Variants in RIMS2 observed in about 807,000 individuals in gnomAD.
RIMS2 encodes the protein regulating synaptic membrane exocytosis 2, also known as regulating synaptic membrane exocytosis protein 2.
In RIMS2, 59 loss-of-function variants were observed where a neutral mutation model predicts 174.4. The observed-to-expected ratio is 0.34, with a 90% CI of 0.27 to 0.42. The LOEUF is 0.42. Among genes scored for constraint, RIMS2 ranks in the 10% least tolerant of loss-of-function variants. The probability of loss-of-function intolerance (pLI) is 1.00; values close to 1 mark genes in which losing one functional copy is unlikely to be tolerated. For synonymous variants in RIMS2, 606 were observed against 572.5 expected (o/e 1.06, Z -0.84); for missense variants, 1,620 against 1,666.3 (o/e 0.97, Z 0.48).
At chr8:103,502,691 T>G (rs922265287) in intron 1 of RIMS2, among the ~76,000 whole-genome samples, 1 of 152,108 alleles carries the variant, frequency 6.6e-6, no homozygotes, top group Non-Finnish European at 1.5e-5. Flanking sequence ...AGTTTGATAT[T>G]TAAATATGTG....
chr8:104,146,432 A>T (rs1465279300), intron 19 of RIMS2, among the ~76,000 whole-genome samples: 1 of 152,172 alleles, frequency 6.6e-6, no homozygotes, highest in Non-Finnish European at 1.5e-5. Context: ...ATGCTTTATT[A>T]AAGTTGTTAG....
At chr8:103,528,667 G>C (rs1835330330) in intron 1 of RIMS2, among the ~76,000 whole-genome samples, 1 of 152,236 alleles carries the variant, frequency 6.6e-6, no homozygotes, top group South Asian at 2.1e-4. Flanking sequence ...CCCATTTCTT[G>C]TTTTTGTCAG....
chr8:104,022,359 G>A (rs1219123681), intron 19 of RIMS2, among the ~76,000 whole-genome samples: 1 of 151,582 alleles, frequency 6.6e-6, no homozygotes, highest in Non-Finnish European at 1.5e-5. Context: ...AGCAAGATGG[G>A]GTCAACTGTG....
intron 15 of RIMS2, among the ~76,000 whole-genome samples, chr8:103,971,229 G>A (rs567181712): frequency 3.3e-5 from 5 of 151,972 alleles, no homozygotes; most frequent in Admixed American, 3.3e-4. Context: ...AAATGTTGAG[G>A]GTTTAATTAT....
At chr8:103,514,925 A>C (rs1047289647) in intron 1 of RIMS2, among the ~76,000 whole-genome samples, 16 of 151,252 alleles carry the variant, frequency 1.1e-4, no homozygotes, top group Non-Finnish European at 2.2e-4. Flanking sequence ...CAACAAAAAA[A>C]CAAAAAAACA....
chr8:103,511,382 C>T (rs1466959749), intron 1 of RIMS2, among the ~76,000 whole-genome samples: 2 of 152,124 alleles, frequency 1.3e-5, no homozygotes, highest in African/African-American at 2.4e-5. Flanking sequence ...TTAAAAGACT[C>T]AGCATAACTT....
chr8:104,039,021 C>T (rs190903745), intron 19 of RIMS2, among the ~76,000 whole-genome samples: 63 of 151,536 alleles, frequency 4.2e-4, no homozygotes, highest in Middle Eastern at 3.4e-3. Context: ...CCTTATTAAT[C>T]ATATAAATTT....
At chr8:103,536,941 A>T (rs934045599) in intron 1 of RIMS2, among the ~76,000 whole-genome samples, 6 of 152,244 alleles carry the variant, frequency 3.9e-5, no homozygotes, top group African/African-American at 1.2e-4. Flanking sequence ...ACACTTGACA[A>T]TAGGTTGTAA....
intron 19 of RIMS2, among the ~76,000 whole-genome samples, chr8:104,070,983 A>G (rs939509384): frequency 9.2e-5 from 14 of 152,226 alleles, no homozygotes; most frequent in Non-Finnish European, 8.8e-5. Flanking sequence ...TGTGGGCTAT[A>G]TGTCAACACT....
intron 2 of RIMS2, among the ~76,000 whole-genome samples, chr8:103,752,400 G>A (rs2097905346): frequency 6.6e-6 from 1 of 152,108 alleles, no homozygotes; most frequent in Admixed American, 6.5e-5. Flanking sequence ...CTCCAGCTTT[G>A]TTCTTTTGGC....
chr8:103,976,755 C>G (rs776551533), intron 16 of RIMS2: 1 of 152,040 alleles, frequency 6.6e-6, no homozygotes, highest in Non-Finnish European at 1.5e-5. Flanking sequence ...ACCATGTTGG[C>G]CAGGATGGTC....
At chr8:103,593,269 T>A (rs1177957177) in intron 1 of RIMS2, among the ~76,000 whole-genome samples, 2 of 151,468 alleles carry the variant, frequency 1.3e-5, no homozygotes, top group African/African-American at 4.8e-5. Context: ...TTGGATATTG[T>A]ATGATGTAAT....
intron 19 of RIMS2, among the ~76,000 whole-genome samples, chr8:104,072,391 A>C (rs1367398069): frequency 6.6e-6 from 1 of 152,108 alleles, no homozygotes; most frequent in Admixed American, 6.6e-5. Context: ...ATGTGTTTTA[A>C]CATTAGATCT....
intron 1 of RIMS2, among the ~76,000 whole-genome samples, chr8:103,644,820 T>A (rs2096294479): frequency 6.6e-6 from 1 of 151,874 alleles, no homozygotes; most frequent in Non-Finnish European, 1.5e-5. Flanking sequence ...TTTATGCCTA[T>A]GTTTTCTAGT....
At chr8:103,940,244 G>A (rs538353110) in intron 13 of RIMS2, among the ~76,000 whole-genome samples, 1 of 152,262 alleles carries the variant, frequency 6.6e-6, no homozygotes, top group Admixed American at 6.5e-5. Context: ...CACAGTCATG[G>A]TGGAAGGCAA....
intron 19 of RIMS2, among the ~76,000 whole-genome samples, chr8:104,150,597 G>A (rs1035583895): frequency 2.0e-5 from 3 of 152,104 alleles, no homozygotes; most frequent in Non-Finnish European, 4.4e-5. Flanking sequence ...GGTAAAAGAC[G>A]ATTAGAAAGG....
At chr8:103,971,008 G>A (rs886392767) in intron 15 of RIMS2, among the ~76,000 whole-genome samples, 6 of 151,996 alleles carry the variant, frequency 3.9e-5, no homozygotes, top group Admixed American at 6.6e-5. Flanking sequence ...AGCAATTCTA[G>A]GCATGGAGTT....
At chr8:103,737,679 T>C (rs1264855368) in intron 2 of RIMS2, among the ~76,000 whole-genome samples, 1 of 152,188 alleles carries the variant, frequency 6.6e-6, no homozygotes, top group Non-Finnish European at 1.5e-5. Flanking sequence ...TAACATCTCA[T>C]ACCATTCTTC....
At chr8:104,131,079 C>G (rs1311827350) in intron 19 of RIMS2, among the ~76,000 whole-genome samples, 2 of 152,102 alleles carry the variant, frequency 1.3e-5, no homozygotes, top group Non-Finnish European at 2.9e-5. Flanking sequence ...AATAATTTTA[C>G]CTATAAAATA....
Sources: gnomAD v4.1 joint callset for allele counts (sites outside exome capture counted in the v4.1 genomes callset) on GRCh38, gnomAD v4.1.1 for gene constraint, MANE v1.5 for transcripts, NCBI Gene and HGNC (gene_info 2026-07-23, HGNC 2026-07-21) for gene names.